Variants in KCNIP1 observed in about 807,000 individuals in gnomAD.
KCNIP1 encodes the protein A-type potassium channel modulatory protein KCNIP1.
A neutral mutation model predicts 33.0 loss-of-function variants in KCNIP1; 18 were observed. That is an observed-to-expected ratio of 0.55 (90% confidence interval 0.38 to 0.81). KCNIP1 has a LOEUF of 0.81. Among genes scored for constraint, KCNIP1 ranks in the 30% least tolerant of loss-of-function variants. KCNIP1 has a pLI of 0.00. For synonymous variants in KCNIP1, 93 were observed against 98.3 expected, an observed-to-expected ratio of 0.95 and a Z score of 0.32; for missense variants, 238 against 271.6, an observed-to-expected ratio of 0.88 and a Z score of 0.87.
intron 1 of KCNIP1, among the ~76,000 whole-genome samples, chr5:170,448,359 G>T (rs189914925): frequency 6.6e-6 from 1 of 152,202 alleles, no homozygotes; most frequent in African/African-American, 2.4e-5. Context: ...TCTGCTGTAC[G>T]CCAGGCCCCG....
chr5:170,724,604 C>T (rs1222521072), intron 5 of KCNIP1, among the ~76,000 whole-genome samples: 1 of 152,072 alleles, frequency 6.6e-6, no homozygotes, highest in Admixed American at 6.6e-5. Context: ...TAAGAGTCTA[C>T]AAATAAACTG....
intron 1 of KCNIP1, among the ~76,000 whole-genome samples, chr5:170,710,113 C>T (rs766074813): frequency 3.3e-5 from 5 of 152,270 alleles, no homozygotes; most frequent in Middle Eastern, 3.4e-3. Context: ...AGTGATCCCC[C>T]GCCTAGGCCT....
intron 1 of KCNIP1, among the ~76,000 whole-genome samples, chr5:170,669,057 T>G (rs1761817792): frequency 6.6e-6 from 1 of 152,212 alleles, no homozygotes; most frequent in Non-Finnish European, 1.5e-5. Flanking sequence ...CATCACAGTC[T>G]TGTTATCTCT....
chr5:170,400,746 T>C (rs1338013375), intron 1 of KCNIP1, among the ~76,000 whole-genome samples: 2 of 152,234 alleles, frequency 1.3e-5, no homozygotes, highest in East Asian at 3.8e-4. Flanking sequence ...AAGGTCATGA[T>C]GTTAGTACCT....
chr5:170,441,004 C>T (rs570588595), intron 1 of KCNIP1, among the ~76,000 whole-genome samples: 1 of 152,338 alleles, frequency 6.6e-6, no homozygotes, highest in Non-Finnish European at 1.5e-5. Flanking sequence ...TTGCTTCCTT[C>T]CCTCGGTCTG....
chr5:170,481,510 T>A (rs1044721638), intron 1 of KCNIP1, among the ~76,000 whole-genome samples: 1 of 152,260 alleles, frequency 6.6e-6, no homozygotes, highest in African/African-American at 2.4e-5. Context: ...TCCATTATGT[T>A]GTTCTAATGT....
At chr5:170,629,277 G>A (rs867473597) in intron 1 of KCNIP1, among the ~76,000 whole-genome samples, 1 of 152,184 alleles carries the variant, frequency 6.6e-6, no homozygotes, top group Non-Finnish European at 1.5e-5. Context: ...CCATGGGCAG[G>A]GGCATTGTTC....
chr5:170,534,439 C>G (rs1755892949), intron 1 of KCNIP1, among the ~76,000 whole-genome samples: 1 of 149,722 alleles, frequency 6.7e-6, no homozygotes, highest in Admixed American at 6.7e-5. Flanking sequence ...GAGTGAGACC[C>G]TTAAAAAAAG....
intron 1 of KCNIP1, among the ~76,000 whole-genome samples, chr5:170,491,962 C>T (rs888123438): frequency 1.3e-5 from 2 of 152,210 alleles, no homozygotes; most frequent in African/African-American, 2.4e-5. Context: ...TGGGGAGACT[C>T]TTTCTGAGTT....
At chr5:170,573,584 C>T (rs1757492125) in intron 1 of KCNIP1, among the ~76,000 whole-genome samples, 1 of 152,030 alleles carries the variant, frequency 6.6e-6, no homozygotes, top group Admixed American at 6.5e-5. Flanking sequence ...AATCAGCTTC[C>T]AACCTGTTAT....
rs773475688 is a variant in KCNIP1 at position 170,585,447 on chromosome 5, C to G, written c.61+80814C>G. On this transcript the variant is annotated intron_variant, in intron 1 of 7. Coordinates refer to ENST00000328939, the MANE Select transcript of KCNIP1 (RefSeq NM_014592.4). ...CTGGCACATTCCACTGTATTTTCCC[C>G]GAAGCCTCTCCCCAGCCTCTCAGCC... Among the ~76,000 whole-genome samples the G allele has an allele frequency of 1.1e-4, 16 of 152,266 alleles. 1 individual carries two copies. The Middle Eastern group carries it at 0.014, about 129-fold the overall frequency.
chr5:170,516,344 C>T (rs1270820255), intron 1 of KCNIP1, among the ~76,000 whole-genome samples: 5 of 152,188 alleles, frequency 3.3e-5, no homozygotes, highest in Admixed American at 3.3e-4. Context: ...TCATCATTCC[C>T]TGTAAACACG....
chr5:170,586,922 T>C (rs1181011784), intron 1 of KCNIP1, among the ~76,000 whole-genome samples: 1 of 152,164 alleles, frequency 6.6e-6, no homozygotes, highest in Non-Finnish European at 1.5e-5. Context: ...GTGAACAGAA[T>C]AGATGAGCTC....
intron 1 of KCNIP1, among the ~76,000 whole-genome samples, chr5:170,531,442 C>T (rs1048437656): frequency 6.6e-6 from 1 of 152,114 alleles, no homozygotes; most frequent in South Asian, 2.1e-4. Flanking sequence ...ACGCTTAAGC[C>T]TCCAGCAAAA....
At chr5:170,517,595 AGTGATG>A (rs2113291628) in intron 1 of KCNIP1, among the ~76,000 whole-genome samples, 1 of 150,988 alleles carries the variant, frequency 6.6e-6, no homozygotes, top group South Asian at 2.1e-4. Flanking sequence ...TGATGGTGGT[AGTGATG>A]GTGATGATGA....
At chr5:170,373,621 G>C (rs66535979) in intron 1 of KCNIP1, among the ~76,000 whole-genome samples, 62,904 of 151,974 alleles carry the variant, frequency 0.41, 13,690 homozygotes, top group South Asian at 0.51. Context: ...ATTATGCGTG[G>C]CAAAAAGTAT....
At chr5:170,599,475 T>A (rs915479502) in intron 1 of KCNIP1, among the ~76,000 whole-genome samples, 8 of 152,094 alleles carry the variant, frequency 5.3e-5, no homozygotes, top group Non-Finnish European at 1.2e-4. Flanking sequence ...ACATACCCTG[T>A]GTATCAAGGA....
At chr5:170,635,666 C>T (rs1317485151) in intron 1 of KCNIP1, among the ~76,000 whole-genome samples, 1 of 152,214 alleles carries the variant, frequency 6.6e-6, no homozygotes, top group Non-Finnish European at 1.5e-5. Context: ...GGGGGCAGGT[C>T]CAGTTTCTGT....
At chr5:170,583,083 T>A (rs1757859036) in intron 1 of KCNIP1, among the ~76,000 whole-genome samples, 1 of 152,180 alleles carries the variant, frequency 6.6e-6, no homozygotes, top group East Asian at 1.9e-4. Context: ...ACTCTCCTAA[T>A]GGAGGAGGGA....
Sources: allele counts gnomAD v4.1 joint callset (sites outside exome capture counted in the v4.1 genomes callset), GRCh38; gene constraint gnomAD v4.1.1; transcripts MANE v1.5; gene names NCBI Gene and HGNC (gene_info 2026-07-23, HGNC 2026-07-21).